Variants in TENM1 observed in about 807,000 individuals in gnomAD.
TENM1 encodes teneurin transmembrane protein 1, also known as teneurin-1.
A neutral mutation model predicts 174.8 loss-of-function variants in TENM1; 35 were observed. The observed-to-expected ratio is 0.20, with a 90% CI of 0.15 to 0.27. The LOEUF (loss-of-function observed/expected upper bound fraction) is 0.27, where lower values mean the gene tolerates loss of function less well. Ranked by LOEUF, TENM1 falls within the 10% of genes least tolerant of loss-of-function variation. TENM1 has a pLI of 1.00. For missense variants in TENM1, 1,633 were observed against 2,130.1 expected, an observed-to-expected ratio of 0.77 and a Z score of 4.59; for synonymous variants, 781 against 798.7, an observed-to-expected ratio of 0.98 and a Z score of 0.37.
chrX:124,517,604 A>T (rs369107171), intron 18 of TENM1, among the ~76,000 whole-genome samples: 58 of 94,309 alleles, frequency 6.1e-4, no homozygotes, highest in African/African-American at 2.3e-3. Flanking sequence ...ATAGGTGGGA[A>T]TTGAATAATG....
the TENM1 span, among the ~76,000 whole-genome samples, chrX:125,107,438 C>T: frequency 8.9e-6 from 1 of 112,238 alleles, no homozygotes; most frequent in East Asian, 2.8e-4. Flanking sequence ...TAAAACACAA[C>T]ATTTATACTT....
intron 5 of TENM1, among the ~76,000 whole-genome samples, chrX:124,684,328 A>ATT (rs746420877): frequency 2.7e-5 from 3 of 112,516 alleles, no homozygotes; most frequent in Non-Finnish European, 3.8e-5. Flanking sequence ...AGACATAAAA[A>ATT]AAGATGCATT....
the TENM1 span, among the ~76,000 whole-genome samples, chrX:125,156,218 C>T: frequency 1.8e-5 from 2 of 111,953 alleles, no homozygotes; most frequent in African/African-American, 6.5e-5. Flanking sequence ...CTTTTGTAAC[C>T]ATCCGCAGGC....
intron 22 of TENM1, among the ~76,000 whole-genome samples, chrX:124,475,045 G>A (rs763326482): frequency 9.0e-6 from 1 of 111,233 alleles, no homozygotes; most frequent in African/African-American, 3.3e-5. Context: ...CTTGAAACTG[G>A]GCTAGGAATT....
At chrX:124,744,943 A>G (rs997553809) in intron 3 of TENM1, among the ~76,000 whole-genome samples, 3 of 112,048 alleles carry the variant, frequency 2.7e-5, no homozygotes, top group African/African-American at 9.7e-5. Flanking sequence ...CAAATCAGGA[A>G]AACATTACAA....
chrX:124,851,402 TA>T (rs1370651975), intron 3 of TENM1, among the ~76,000 whole-genome samples: 1 of 111,802 alleles, frequency 8.9e-6, no homozygotes. Flanking sequence ...TTAGACTTGG[TA>T]ATTTTAGGAT....
At chrX:124,577,948 C>T (rs2105867) in intron 11 of TENM1, among the ~76,000 whole-genome samples, 24,711 of 105,070 alleles carry the variant, frequency 0.24, 2,402 homozygotes, top group South Asian at 0.4. Flanking sequence ...TTTTTTGAGG[C>T]AGGGTCTCAC....
chrX:124,668,985 G>A (rs753700293), intron 6 of TENM1, among the ~76,000 whole-genome samples: 1 of 111,829 alleles, frequency 8.9e-6, no homozygotes, highest in East Asian at 2.8e-4. Context: ...ATCATTCACT[G>A]CAAAGTTCAT....
At chrX:125,048,073 A>G in the TENM1 span, among the ~76,000 whole-genome samples, 4,878 of 110,519 alleles carry the variant, frequency 0.044, 100 homozygotes, top group Middle Eastern at 0.072. Flanking sequence ...AATTTCTGCA[A>G]TTTTTCCCAA....
chrX:125,043,520 G>A, the TENM1 span, among the ~76,000 whole-genome samples: 1 of 50,446 alleles, frequency 2.0e-5, no homozygotes, highest in Non-Finnish European at 3.5e-5. Flanking sequence ...AACAACAGGT[G>A]CTGGAGAGGA....
intron 28 of TENM1, among the ~76,000 whole-genome samples, chrX:124,386,366 G>A (rs757292992): frequency 2.9e-4 from 32 of 111,689 alleles, no homozygotes; most frequent in Admixed American, 1.0e-3. Context: ...ACTCAGACTT[G>A]AGAGACCAGA....
intron 15 of TENM1, among the ~76,000 whole-genome samples, chrX:124,539,085 G>A (rs985152477): frequency 7.2e-5 from 8 of 111,395 alleles, no homozygotes; most frequent in African/African-American, 2.6e-4. Flanking sequence ...GTAAAACCCA[G>A]TAACCAATAT....
At chrX:124,428,635 G>A (rs1379658326) in intron 23 of TENM1, among the ~76,000 whole-genome samples, 2 of 112,096 alleles carry the variant, frequency 1.8e-5, no homozygotes, top group African/African-American at 3.2e-5. Flanking sequence ...TACTTGTAAA[G>A]TTATTGTGTG....
the TENM1 span, among the ~76,000 whole-genome samples, chrX:125,002,977 C>A: frequency 8.9e-6 from 1 of 111,793 alleles, no homozygotes; most frequent in African/African-American, 3.2e-5. Context: ...TAGAATTGAA[C>A]AAATTAGAAG....
chrX:124,868,299 G>T (rs1220513575), intron 3 of TENM1, among the ~76,000 whole-genome samples: 3 of 111,579 alleles, frequency 2.7e-5, no homozygotes, highest in Non-Finnish European at 3.8e-5. Flanking sequence ...CAGTGGAACA[G>T]AATAGAGAAC....
chrX:124,729,027 T>C (rs191239854), intron 4 of TENM1, among the ~76,000 whole-genome samples: 6 of 112,504 alleles, frequency 5.3e-5, no homozygotes, highest in Non-Finnish European at 9.4e-5. Flanking sequence ...TTGTTACTAG[T>C]ACTAAACCAT....
chrX:124,503,505 T>C, intron 19 of TENM1, 55 bp downstream of exon 22: 1 of 1,077,893 alleles, frequency 9.3e-7, no homozygotes, highest in African/African-American at 1.9e-5. Flanking sequence ...GCAATAAATA[T>C]GTATTATACA....
the TENM1 span, among the ~76,000 whole-genome samples, chrX:125,087,577 T>C: frequency 1.8e-5 from 2 of 110,954 alleles, no homozygotes; most frequent in Admixed American, 1.9e-4. Context: ...TCTCTTAAGA[T>C]AACTAAAATT....
the TENM1 span, among the ~76,000 whole-genome samples, chrX:125,073,064 A>T: frequency 5.4e-5 from 6 of 111,611 alleles, no homozygotes; most frequent in Non-Finnish European, 1.1e-4. Flanking sequence ...TTTGCATCAC[A>T]TTGAGGCACA....
Sources: gnomAD v4.1 joint callset for allele counts (sites outside exome capture counted in the v4.1 genomes callset) on GRCh38, gnomAD v4.1.1 for gene constraint, MANE v1.5 for transcripts, NCBI Gene and HGNC (gene_info 2026-07-23, HGNC 2026-07-21) for gene names.